Variants in UBE2E2 observed in about 807,000 individuals in gnomAD.
UBE2E2 encodes the protein ubiquitin conjugating enzyme E2 E2.
UBE2E2 carries 6 observed loss-of-function variants against 24.7 expected under a neutral mutation model. The ratio of observed to expected loss-of-function variants is 0.24; its 90% CI spans 0.13 to 0.48. The LOEUF (loss-of-function observed/expected upper bound fraction) is 0.48, where lower values mean the gene tolerates loss of function less well. Among genes scored for constraint, UBE2E2 ranks in the 20% least tolerant of loss-of-function variants. UBE2E2 has a pLI of 0.99. For missense variants in UBE2E2, 169 were observed against 245.0 expected, an observed-to-expected ratio of 0.69 and a Z score of 2.07; for synonymous variants, 104 against 83.6, an observed-to-expected ratio of 1.24 and a Z score of -1.33.
chr3:23,315,006 A>G (rs1352184510), intron 3 of UBE2E2, among the ~76,000 whole-genome samples: 1 of 152,150 alleles, frequency 6.6e-6, no homozygotes, highest in African/African-American at 2.4e-5. Context: ...AGGCTTGGGA[A>G]GTTCTTTGTT....
intron 3 of UBE2E2, chr3:23,449,915 C>T (rs1698525460): frequency 1.0e-6 from 1 of 985,242 alleles, no homozygotes; most frequent in African/African-American, 1.7e-5. Context: ...ACATGGGGAC[C>T]CCTCCCCCTA....
intron 3 of UBE2E2, among the ~76,000 whole-genome samples, chr3:23,453,918 G>A (rs1020288927): frequency 1.3e-5 from 2 of 152,088 alleles, no homozygotes; most frequent in Admixed American, 6.5e-5. Flanking sequence ...GAAGATACAC[G>A]TCTAGTAGTA....
In UBE2E2 at chr3:23,365,825, A is replaced by G. The variant is rs564294344; in HGVS notation, c.228-133783A>G. Among the ~76,000 whole-genome samples the G allele has an allele frequency of 8.5e-5, 13 of 152,314 alleles. No individual in the cohort carries two copies. In the East Asian group the frequency reaches 2.3e-3, roughly 27 times the overall value. ...GCCAAAGCAGTCCTAAGCAAAAAGA[A>G]CAAGGTTGGAGGCATCACATTACCC... On this transcript the variant is annotated intron_variant, in intron 3 of 5. Coordinates refer to ENST00000396703, the MANE Select transcript of UBE2E2 (RefSeq NM_152653.4).
chr3:23,291,783 A>G (rs1203726798), intron 3 of UBE2E2, among the ~76,000 whole-genome samples: 4 of 145,926 alleles, frequency 2.7e-5, no homozygotes, highest in Admixed American at 6.9e-5. Flanking sequence ...CCTGGGTTCA[A>G]GCAATTCTCT....
intron 3 of UBE2E2, among the ~76,000 whole-genome samples, chr3:23,484,170 G>T (rs925080333): frequency 6.6e-6 from 1 of 152,140 alleles, no homozygotes; most frequent in Non-Finnish European, 1.5e-5. Context: ...CTTTTTCCAT[G>T]AAGTGCCTTT....
At chr3:23,468,857 G>A (rs942651514) in intron 3 of UBE2E2, among the ~76,000 whole-genome samples, 59 of 152,166 alleles carry the variant, frequency 3.9e-4, no homozygotes, top group African/African-American at 1.4e-3. Context: ...AGGCTGTTAG[G>A]ATTAATTAGA....
At chr3:23,524,865 GACACACACAC>G (rs59806964) in intron 4 of UBE2E2, among the ~76,000 whole-genome samples, 2 of 147,422 alleles carry the variant, frequency 1.4e-5, no homozygotes, top group Admixed American at 6.8e-5. Context: ...CAGACACACA[GACACACACAC>G]ACACACACAC....
chr3:23,316,506 G>A (rs529563917), intron 3 of UBE2E2, among the ~76,000 whole-genome samples: 61 of 152,012 alleles, frequency 4.0e-4, no homozygotes, highest in African/African-American at 1.4e-3. Flanking sequence ...CCCCCCGTAG[G>A]GCAGTGGTCT....
chr3:23,271,391 C>A (rs535734538), intron 3 of UBE2E2, among the ~76,000 whole-genome samples: 24 of 152,208 alleles, frequency 1.6e-4, no homozygotes, highest in African/African-American at 5.5e-4. Flanking sequence ...TGGCGCGGAC[C>A]CAAAGAATGA....
In UBE2E2 at chr3:23,291,849, ATTTTTTTTTTTT is replaced by A. The variant is rs57708620; in HGVS notation, c.227+74553_227+74564del. On this transcript the variant is annotated intron_variant, in intron 3 of 5. Coordinates refer to ENST00000396703, the MANE Select transcript of UBE2E2 (RefSeq NM_152653.4). ...AGATGTGTGCCACCATGCCCGGCTA[ATTTTTTTTTTTT>A]TTTTTTTTTTTTTTTGAGACAGAGT... is the stretch of plus-strand genomic sequence containing the variant. 1.7e-4 allele frequency among the ~76,000 whole-genome samples: 11 copies of A among 64,036 alleles called. No individual in the cohort carries two copies. In the South Asian group the frequency reaches 3.2e-3, roughly 19 times the overall value. The allele number at this position is 64,036 out of a possible 152,430, so 42.0% of individuals were successfully genotyped here.
intron 3 of UBE2E2, among the ~76,000 whole-genome samples, chr3:23,367,062 A>T (rs892099693): frequency 2.0e-5 from 3 of 152,152 alleles, no homozygotes; most frequent in African/African-American, 7.2e-5. Context: ...TCCTGTCATT[A>T]TCCTTTTTGA....
chr3:23,559,439 C>T (rs1027118922), intron 5 of UBE2E2, among the ~76,000 whole-genome samples: 1 of 152,092 alleles, frequency 6.6e-6, no homozygotes, highest in Admixed American at 6.6e-5. Flanking sequence ...AAAGACTATA[C>T]TAGAGATTTG....
chr3:23,537,388 TCAAATAA>T (rs910912310), intron 5 of UBE2E2, among the ~76,000 whole-genome samples: 9 of 152,200 alleles, frequency 5.9e-5, no homozygotes, highest in African/African-American at 1.9e-4. Flanking sequence ...GCATCACCTT[TCAAATAA>T]AAATCAAGTA....
chr3:23,403,157 A>G (rs977592397), intron 3 of UBE2E2, among the ~76,000 whole-genome samples: 17 of 152,248 alleles, frequency 1.1e-4, no homozygotes, highest in African/African-American at 3.6e-4. Flanking sequence ...GACTTCTTGA[A>G]CAAATATAAT....
chr3:23,333,471 T>C (rs1189342761), intron 3 of UBE2E2, among the ~76,000 whole-genome samples: 1 of 152,128 alleles, frequency 6.6e-6, no homozygotes, highest in Non-Finnish European at 1.5e-5. Flanking sequence ...GGACAGGTTT[T>C]CCTCCCCAAC....
At chr3:23,471,225 G>C (rs1278063287) in intron 3 of UBE2E2, among the ~76,000 whole-genome samples, 1 of 152,144 alleles carries the variant, frequency 6.6e-6, no homozygotes, top group Non-Finnish European at 1.5e-5. Flanking sequence ...AAATTTAAAA[G>C]TACAAACTAC....
chr3:23,309,436 C>T (rs1699318785), intron 3 of UBE2E2, among the ~76,000 whole-genome samples: 1 of 152,172 alleles, frequency 6.6e-6, no homozygotes, highest in South Asian at 2.1e-4. Context: ...TCAGCCGGGC[C>T]TGGGGCTATG....
intron 5 of UBE2E2, among the ~76,000 whole-genome samples, chr3:23,547,203 A>T (rs145301783): frequency 5.5e-4 from 84 of 152,326 alleles, no homozygotes; most frequent in African/African-American, 1.9e-3. Flanking sequence ...TTTGCTAAGC[A>T]ATCTCGTTCC....
chr3:23,244,171 T>TA (rs1170968930), intron 3 of UBE2E2, among the ~76,000 whole-genome samples: 12 of 151,352 alleles, frequency 7.9e-5, no homozygotes, highest in Admixed American at 3.9e-4. Flanking sequence ...ATGAGGAAAT[T>TA]AAAAAAAAGT....
Sources: allele counts gnomAD v4.1 joint callset (sites outside exome capture counted in the v4.1 genomes callset), GRCh38; gene constraint gnomAD v4.1.1; transcripts MANE v1.5; gene names NCBI Gene and HGNC (gene_info 2026-07-23, HGNC 2026-07-21).